The following HHAT variants were observed in gnomAD, a reference collection of about 807,000 sequenced individuals.
HHAT encodes protein-cysteine N-palmitoyltransferase HHAT.
A neutral mutation model predicts 70.8 loss-of-function variants in HHAT; 47 were observed. The observed-to-expected ratio is 0.66, with a 90% CI of 0.53 to 0.85. The LOEUF (loss-of-function observed/expected upper bound fraction) is 0.85, where lower values mean the gene tolerates loss of function less well. Among genes scored for constraint, HHAT ranks in the 40% least tolerant of loss-of-function variants. The pLI is 0.00. For synonymous variants in HHAT, 228 were observed against 247.6 expected (o/e 0.92, Z 0.74); for missense variants, 609 against 604.8 (o/e 1.01, Z -0.07).
intron 10 of HHAT, among the ~76,000 whole-genome samples, chr1:210,598,582 G>T (rs1334313813): frequency 6.6e-6 from 1 of 152,154 alleles, no homozygotes; most frequent in Non-Finnish European, 1.5e-5. Context: ...GCTGAGTTCT[G>T]CCCATCTTTC....
At chr1:210,391,626 G>A (rs532601327) in intron 4 of HHAT, among the ~76,000 whole-genome samples, 1 of 152,114 alleles carries the variant, frequency 6.6e-6, no homozygotes, top group South Asian at 2.1e-4. Context: ...CATAAATGAT[G>A]AATAAACATG....
At chr1:210,645,813 C>T (rs1558344797) in intron 11 of HHAT, among the ~76,000 whole-genome samples, 1 of 152,206 alleles carries the variant, frequency 6.6e-6, no homozygotes, top group Non-Finnish European at 1.5e-5. Flanking sequence ...AGGCCTGCAT[C>T]TGAGACTTGT....
At chr1:210,564,222 C>T (rs1252129309) in intron 9 of HHAT, among the ~76,000 whole-genome samples, 1 of 152,038 alleles carries the variant, frequency 6.6e-6, no homozygotes, top group African/African-American at 2.4e-5. Context: ...CTCAGCCTCC[C>T]AAAGTGCTGG....
intron 9 of HHAT, among the ~76,000 whole-genome samples, chr1:210,543,397 A>C (rs187363057): frequency 1.2e-4 from 18 of 151,450 alleles, no homozygotes; most frequent in Admixed American, 1.2e-3. Flanking sequence ...GGAATTGTTC[A>C]AATAATCTCT....
At chr1:210,637,628 G>A (rs532203893) in intron 11 of HHAT, among the ~76,000 whole-genome samples, 139 of 152,268 alleles carry the variant, frequency 9.1e-4, no homozygotes, top group Middle Eastern at 3.4e-3. Flanking sequence ...TTGGGAGGCC[G>A]AGGCAGGAGG....
chr1:210,513,531 A>G (rs1329203875), intron 9 of HHAT, among the ~76,000 whole-genome samples: 1 of 152,146 alleles, frequency 6.6e-6, no homozygotes, highest in East Asian at 1.9e-4. Context: ...TTTTCCCTCC[A>G]CTGAATTTAA....
rs1460794018 is a variant in HHAT, at chr1:210,349,072, G to T, written c.91+6G>T. 6.2e-7 allele frequency: 1 copy of T among 1,612,282 alleles called. No individual in the cohort carries two copies. On this transcript the variant is annotated splice_donor_region_variant and intron_variant, in intron 2 of 11. Transcript: ENST00000261458. The stretch of plus-strand genomic sequence containing the variant: ...AGTTTACAAAGTCTCCAGAGGTAAG[G>T]CCCCAAGCTTTTCAGACCTCCTATC...
chr1:210,385,594 G>A (rs1350004804), intron 3 of HHAT, among the ~76,000 whole-genome samples: 2 of 152,198 alleles, frequency 1.3e-5, no homozygotes, highest in Non-Finnish European at 2.9e-5. Flanking sequence ...AGGGACAGGG[G>A]CTTTATGAGC....
chr1:210,516,501 C>T (rs1307301492), intron 9 of HHAT, among the ~76,000 whole-genome samples: 1 of 151,986 alleles, frequency 6.6e-6, no homozygotes, highest in Non-Finnish European at 1.5e-5. Context: ...GTAAATATGT[C>T]ATTAGAGAAA....
intron 11 of HHAT, among the ~76,000 whole-genome samples, chr1:210,637,192 C>G (rs147004148): frequency 3.3e-3 from 508 of 152,196 alleles, no homozygotes; most frequent in African/African-American, 0.011. Context: ...TTTCTTCTAT[C>G]AAAATAATTT....
intron 9 of HHAT, among the ~76,000 whole-genome samples, chr1:210,573,769 C>A (rs1402819467): frequency 6.6e-6 from 1 of 152,012 alleles, no homozygotes; most frequent in Admixed American, 6.6e-5. Flanking sequence ...GTAAATATTC[C>A]CTCCAAACCC....
chr1:210,606,066 C>T (rs1312935240), intron 10 of HHAT, among the ~76,000 whole-genome samples: 1 of 152,026 alleles, frequency 6.6e-6, no homozygotes, highest in Non-Finnish European at 1.5e-5. Context: ...CTATGTTGGC[C>T]AGGCTGGTCT....
chr1:210,650,770 A>G (rs1228586406), intron 11 of HHAT, among the ~76,000 whole-genome samples: 1 of 152,192 alleles, frequency 6.6e-6, no homozygotes, highest in Non-Finnish European at 1.5e-5. Flanking sequence ...TTCTTTGCTT[A>G]TAATGTGTTG....
intron 4 of HHAT, among the ~76,000 whole-genome samples, chr1:210,397,311 G>T (rs1188444191): frequency 6.6e-6 from 1 of 152,202 alleles, no homozygotes; most frequent in African/African-American, 2.4e-5. Flanking sequence ...TGATCAATGT[G>T]ATTCTTTGTC....
At chr1:210,515,496 G>T (rs1458479976) in intron 9 of HHAT, among the ~76,000 whole-genome samples, 1 of 152,144 alleles carries the variant, frequency 6.6e-6, no homozygotes, top group Admixed American at 6.5e-5. Flanking sequence ...GGTGGCTCAC[G>T]CCTGTAATCC....
chr1:210,560,814 T>TAAAAAAAAAAAAA (rs60192211), intron 9 of HHAT, among the ~76,000 whole-genome samples: 4 of 28,514 alleles, frequency 1.4e-4, no homozygotes, highest in East Asian at 7.1e-4. Flanking sequence ...CCCTGTGTCT[T>TAAAAAAAAAAAAA]AAAAAAAAAA....
intron 3 of HHAT, among the ~76,000 whole-genome samples, chr1:210,365,348 C>T (rs556145807): frequency 1.8e-3 from 198 of 111,288 alleles, no homozygotes; most frequent in African/African-American, 6.9e-3. Flanking sequence ...ACGGAGTCTC[C>T]CTCTGTTGCC....
intron 7 of HHAT, among the ~76,000 whole-genome samples, chr1:210,446,136 G>A (rs969986459): frequency 1.8e-4 from 28 of 152,238 alleles, no homozygotes; most frequent in Admixed American, 1.5e-3. Flanking sequence ...TCGGGTGGGC[G>A]AGGGTGTGGA....
chr1:210,506,866 G>T (rs901589527), intron 8 of HHAT, among the ~76,000 whole-genome samples: 3 of 152,154 alleles, frequency 2.0e-5, no homozygotes, highest in Non-Finnish European at 4.4e-5. Context: ...GAAGGCTCTG[G>T]TTCTTGCCCT....
Sources: gnomAD v4.1 joint callset for allele counts (sites outside exome capture counted in the v4.1 genomes callset) on GRCh38, gnomAD v4.1.1 for gene constraint, MANE v1.5 for transcripts, NCBI Gene and HGNC (gene_info 2026-07-23, HGNC 2026-07-21) for gene names.